Variants in CES4A observed in about 807,000 individuals in gnomAD.
The protein encoded by CES4A is carboxylesterase 6.
In CES4A, 48 loss-of-function variants were observed where a neutral mutation model predicts 65.4. The ratio of observed to expected loss-of-function variants is 0.73; its 90% CI spans 0.58 to 0.93. The LOEUF (loss-of-function observed/expected upper bound fraction) is 0.93, where lower values mean the gene tolerates loss of function less well. Among genes scored for constraint, CES4A ranks in the 40% least tolerant of loss-of-function variants. The pLI is 0.00. For synonymous variants in CES4A, 247 were observed against 281.8 expected (o/e 0.88, Z 1.24); for missense variants, 685 against 728.5 (o/e 0.94, Z 0.69).
rs1229906330 is a variant in CES4A, at chr16:66,988,857, T to C, written c.58+27T>C. The C allele has an allele frequency of 1.9e-6, 3 of 1,549,764 alleles. No individual in the cohort carries two copies. In the African/African-American group the frequency reaches 4.1e-5, roughly 21 times the overall value. On this transcript the variant is annotated intron_variant, in intron 1 of 13. Coordinates refer to ENST00000648724, the Ensembl canonical transcript of CES4A. ...TAAGACCCCCACCCCTTCCCGAGAG[T>C]GTCAGGCAAGACGGGCACAAGGGAT...
At chr16:66,998,100 C>T (rs772181760) in intron 2 of CES4A, among the ~76,000 whole-genome samples, 8 of 151,596 alleles carry the variant, frequency 5.3e-5, no homozygotes, top group Non-Finnish European at 8.8e-5. Context: ...AACTGATCAT[C>T]AGCACATCAG....
intron 2 of CES4A, chr16:66,996,219 T>G: frequency 2.8e-6 from 1 of 359,632 alleles, no homozygotes; most frequent in South Asian, 2.1e-5. Flanking sequence ...GTATTTTTAG[T>G]AGAGACAGGG....
Position 67,001,974 on chromosome 16 carries a change from CATA to C in CES4A, c.690+520_690+522del, listed in dbSNP as rs1345479378. Among the ~76,000 whole-genome samples, 5 of 152,244 alleles carry C rather than the reference CATA, an allele frequency of 3.3e-5. No individual in the cohort carries two copies. Among genetic ancestry groups the C allele is most frequent in the Non-Finnish European group, 5.9e-5 (4 of 68,048 alleles). ...CACACAGGACATTGCTGGCCACAGT[CATA>C]ATAATACTCAACAGCTGAGCACTTC... On this transcript the variant is annotated intron_variant, in intron 5 of 13. Transcript: ENST00000648724. This position sits in a 1 kb window ranked among gnomAD's most constrained non-coding sequence, Gnocchi z 4.1.
At position 67,001,496 on chromosome 16, in the gene CES4A, T is replaced by C. The variant is rs1965351193; in HGVS notation, c.690+35T>C. 6.4e-7 allele frequency: 1 copy of C among 1,555,136 alleles called. No individual in the cohort carries two copies. Among genetic ancestry groups the C allele is most frequent in the Non-Finnish European group, 8.7e-7 (1 of 1,150,820 alleles). ...ATGCCCAGACGGACCGAGCACAGAC[T>C]TAGGCTCCTGCGTTCCCACAAATGT... On this transcript the variant is annotated intron_variant, in intron 5 of 13. Transcript: ENST00000648724. This position sits in a 1 kb window ranked among gnomAD's most constrained non-coding sequence, Gnocchi z 4.1.
intron 12 of CES4A, 22 bp from the exon 13 acceptor site, chr16:67,006,723 C>G: frequency 6.2e-7 from 1 of 1,612,568 alleles, no homozygotes; most frequent in Non-Finnish European, 8.5e-7. Flanking sequence ...GTCCGAAATC[C>G]CACATCCCAT....
chr16:66,996,896 A>T (rs1408210278), intron 2 of CES4A, among the ~76,000 whole-genome samples: 1 of 152,010 alleles, frequency 6.6e-6, no homozygotes, highest in Non-Finnish European at 1.5e-5. Context: ...TCTACAGAAA[A>T]TTTTAAAAAA....
At chr16:66,990,743 A>G (rs1220364360) in intron 1 of CES4A, among the ~76,000 whole-genome samples, 1 of 152,020 alleles carries the variant, frequency 6.6e-6, no homozygotes, top group African/African-American at 2.4e-5. Context: ...GAAAGAATGA[A>G]TGAATAAACA....
Position 67,006,810 on chromosome 16 carries a change from CG to C in CES4A, c.1511del (p.Arg504ProfsTer33), listed in dbSNP as rs1965798010. On this transcript the variant is annotated frameshift_variant, in exon 13 of 14. Transcript: ENST00000648724. LOFTEE classifies it low-confidence loss of function (END_TRUNC). ...GATGAAATACTGGGCCAACTTTGCC[CG>C]CACAGGGTGAGTCTGCCCCCCAGCA... 2 of 1,613,886 alleles carry C rather than the reference CG, an allele frequency of 1.2e-6. No individual in the cohort carries two copies. Among genetic ancestry groups the C allele is most frequent in the Admixed American group, 1.7e-5 (1 of 59,982 alleles).
intron 1 of CES4A, 45 bp from the exon 2 acceptor site, chr16:66,995,583 G>A: frequency 6.4e-7 from 1 of 1,551,540 alleles, no homozygotes. Context: ...CCCATTTGTG[G>A]CTGGGTGACT....
In CES4A at chr16:67,006,396, G is replaced by A. The variant is rs1372963237; in HGVS notation, c.1321G>A (p.Gly441Ser). The change falls in exon 12 of 14, where the codon GGC (glycine) becomes AGC (serine). Residue 441 changes from glycine (G) to serine (S), a missense_variant. Transcript: ENST00000648724. ...CTCAGTTTCCCTATTCACAGATGCC[G>A]GCCTCCCTGTCTACCTGTATGAATT... 32 of 1,536,450 alleles carry A rather than the reference G, an allele frequency of 2.1e-5. 1 individual carries two copies. Among genetic ancestry groups the A allele is most frequent in the South Asian group, 4.8e-5 (4 of 84,058 alleles).
At chr16:66,991,687 G>A (rs1964402793) in intron 1 of CES4A, among the ~76,000 whole-genome samples, 1 of 152,202 alleles carries the variant, frequency 6.6e-6, no homozygotes, top group Non-Finnish European at 1.5e-5. Context: ...ATGGTTTAAG[G>A]CACTGCTCTG....
intron 1 of CES4A, among the ~76,000 whole-genome samples, chr16:66,994,503 G>A (rs962175782): frequency 1.5e-4 from 23 of 150,508 alleles, no homozygotes; most frequent in East Asian, 1.3e-3. Flanking sequence ...GAGCCACCGC[G>A]CGCAGCCGAC....
In CES4A at chr16:67,003,356, A is replaced by T. The variant is rs773863288; in HGVS notation, c.896A>T (p.Lys299Met). The T allele has an allele frequency of 1.2e-6, 2 of 1,613,756 alleles. No homozygotes were observed. Among genetic ancestry groups the T allele is most frequent in the South Asian group, 2.2e-5 (2 of 91,070 alleles). ...ACCAAGGTGATGCGTGTGTCCAACA[A>T]GATGGTAGGTAGAACATTCCAGCTG... The change falls in exon 7 of 14, where the codon AAG becomes ATG. Residue 299 changes from lysine to methionine, a missense_variant. Coordinates refer to ENST00000648724, the Ensembl canonical transcript of CES4A. The surrounding 1 kb of genome is among the most constrained non-coding windows in gnomAD (Gnocchi z 4.2).
At chr16:67,004,143 G>A in exon 9 of CES4A, 2 of 1,614,168 alleles carry the variant, frequency 1.2e-6, no homozygotes, top group South Asian at 1.1e-5. Context: ...ACCCTTTGGT[G>A]CTCCTGACCC....
At chr16:66,992,403 T>C (rs1484307519) in intron 1 of CES4A, among the ~76,000 whole-genome samples, 1 of 151,928 alleles carries the variant, frequency 6.6e-6, no homozygotes, top group Non-Finnish European at 1.5e-5. Context: ...CAGCTGGGAG[T>C]GTGAAGGTGT....
intron 11 of CES4A, chr16:67,006,161 G>A: frequency 5.7e-6 from 3 of 525,574 alleles, no homozygotes; most frequent in Non-Finnish European, 1.0e-5. Flanking sequence ...TTAGGTTTTA[G>A]TATTCTCAGT....
downstream of CES4A, among the ~76,000 whole-genome samples, chr16:67,010,341 C>T (rs1966068234): frequency 6.6e-6 from 1 of 151,898 alleles, no homozygotes; most frequent in Non-Finnish European, 1.5e-5. Flanking sequence ...GCTGGAATTA[C>T]AGGCATGAGC....
Position 67,004,028 on chromosome 16 carries a change from AG to A in CES4A, c.940-53del. On this transcript the variant is annotated intron_variant, in intron 8 of 13. Transcript: ENST00000648724. ...CCTCTGAAGGGGCACCCAAGGTTGCAGGGACCCTGGGAGGATACTTGAGGAG... is the reference window on the plus strand; with the variant it reads ...CCTCTGAAGGGGCACCCAAGGTTGCAGGACCCTGGGAGGATACTTGAGGAG... The A allele has an allele frequency of 8.2e-6, 13 of 1,591,500 alleles. No homozygotes were observed. The South Asian group carries it at 1.0e-4, about 12-fold the overall frequency.
chr16:66,997,783 A>C (rs1169313011), intron 2 of CES4A, among the ~76,000 whole-genome samples: 1 of 152,112 alleles, frequency 6.6e-6, no homozygotes, highest in East Asian at 1.9e-4. Context: ...CAGCTTGAGC[A>C]ATGTAGTGAG....
Sources: allele counts gnomAD v4.1 joint callset (sites outside exome capture counted in the v4.1 genomes callset), GRCh38; gene constraint gnomAD v4.1.1; non-coding constraint Gnocchi (gnomAD v3.1); transcripts MANE v1.5; gene names NCBI Gene and HGNC (gene_info 2026-07-23, HGNC 2026-07-21).